Variants in SLC9B1 observed in about 807,000 individuals in gnomAD.
The protein encoded by SLC9B1 is sodium/hydrogen exchanger 9B1.
Under a neutral mutation model 51.7 loss-of-function variants are expected in SLC9B1, and 32 were observed. The observed-to-expected ratio is 0.62, with a 90% CI of 0.47 to 0.83. The LOEUF (loss-of-function observed/expected upper bound fraction) is 0.83. Among genes scored for constraint, SLC9B1 ranks in the 40% least tolerant of loss-of-function variants. The pLI, the probability that SLC9B1 is intolerant of heterozygous loss-of-function variation, is 0.00. For missense variants in SLC9B1, 406 were observed against 613.2 expected (o/e 0.66, Z 3.57); for synonymous variants, 145 against 212.7 (o/e 0.68, Z 2.77).
chr4:102,896,388 T>C (rs1407460558), downstream of SLC9B1, among the ~76,000 whole-genome samples: 2 of 152,176 alleles, frequency 1.3e-5, no homozygotes, highest in Non-Finnish European at 1.5e-5. Flanking sequence ...TTTCTAAACT[T>C]TTCTAATTTT....
At chr4:102,888,865 G>T (rs1284983752) in intron 11 of SLC9B1, 1 of 152,180 alleles carries the variant, frequency 6.6e-6, no homozygotes, top group Non-Finnish European at 1.5e-5. Context: ...TAGGCACTCT[G>T]GAAACTGCTT....
rs1269838934 is a variant in SLC9B1, at chr4:102,932,236, A to G, written c.717T>C (p.Asn239=). 6.2e-7 allele frequency: 1 copy of G among 1,611,800 alleles called. No individual in the cohort carries two copies. Among genetic ancestry groups the G allele is most frequent in the Non-Finnish European group, 8.5e-7 (1 of 1,179,814 alleles). The change falls in exon 7 of 12, where the codon AAT becomes AAC. Residue 239 remains asparagine, a synonymous_variant. Transcript: ENST00000296422. Reference sequence around the variant, plus strand: ...GAATGCCTTCCTCAACACCATATCCATTTTCTTGCAGCACCATCATGTAAG... The same window carrying G: ...GAATGCCTTCCTCAACACCATATCCGTTTTCTTGCAGCACCATCATGTAAG... ...VVPYMMVLQE[N]GYGVEEGIPT...
downstream of SLC9B1, among the ~76,000 whole-genome samples, chr4:102,900,603 GT>G (rs1734739754): frequency 6.6e-6 from 1 of 152,082 alleles, no homozygotes; most frequent in African/African-American, 2.4e-5. Flanking sequence ...ATTTACTCAG[GT>G]AGTCACCAAA....
At chr4:102,994,675 G>T (rs1373568384) in intron 1 of SLC9B1, among the ~76,000 whole-genome samples, 2 of 152,166 alleles carry the variant, frequency 1.3e-5, no homozygotes, top group Admixed American at 6.5e-5. Flanking sequence ...AGGTTTAATG[G>T]ACTCACAGTT....
intron 2 of SLC9B1, among the ~76,000 whole-genome samples, chr4:102,990,561 G>A (rs1224753891): frequency 6.7e-6 from 1 of 148,980 alleles, no homozygotes; most frequent in Non-Finnish European, 1.5e-5. Context: ...TTCTTCCAAT[G>A]TAAAAAACAA....
exon 12 of SLC9B1, chr4:102,885,249 G>A: frequency 2.5e-6 from 4 of 1,614,092 alleles, no homozygotes; most frequent in East Asian, 4.5e-5. Flanking sequence ...CCTTTCCTTG[G>A]TGTACTCGCA....
chr4:102,913,211 G>GCT (rs903042663), intron 7 of SLC9B1, among the ~76,000 whole-genome samples: 11 of 150,696 alleles, frequency 7.3e-5, no homozygotes, highest in Admixed American at 2.0e-4. Context: ...GTTACCTGAA[G>GCT]CTCTCTCTCT....
intron 3 of SLC9B1, among the ~76,000 whole-genome samples, chr4:102,981,783 T>C (rs1739378359): frequency 6.6e-6 from 1 of 152,206 alleles, no homozygotes; most frequent in Non-Finnish European, 1.5e-5. Context: ...TTTGCAAATA[T>C]TTTCTTCCAA....
chr4:102,974,428 T>A (rs916930203), intron 3 of SLC9B1, among the ~76,000 whole-genome samples: 1 of 151,796 alleles, frequency 6.6e-6, no homozygotes, highest in African/African-American at 2.4e-5. Flanking sequence ...GTAAGATTGA[T>A]TAATTAAAAA....
intron 11 of SLC9B1, among the ~76,000 whole-genome samples, chr4:102,903,422 T>C (rs1296360863): frequency 2.0e-5 from 3 of 152,218 alleles, no homozygotes; most frequent in Non-Finnish European, 2.9e-5. Flanking sequence ...GATTATCTCA[T>C]TGAATCCTGA....
chr4:102,961,718 T>C (rs999983536), intron 3 of SLC9B1, among the ~76,000 whole-genome samples: 26 of 152,276 alleles, frequency 1.7e-4, no homozygotes, highest in African/African-American at 5.3e-4. Context: ...CTTTAAAATA[T>C]TCCTTTTTTA....
Position 102,991,674 on chromosome 4 carries a change from T to A in SLC9B1, c.38A>T (p.Asp13Val). ...TTESKNEHLE[D>V]ENFQTSTTPQ... ...AGTTGTAGATGTTTGGAAGTTTTCA[T>A]CCTCCAAATGTTCATTTTTTGATTC... The change falls in exon 2 of 12, where the codon GAT (aspartate) becomes GTT (valine). Residue 13 changes from aspartate to valine, a missense_variant. Asp to Val is a radical substitution (Grantham distance 152, BLOSUM62 -3). Around this residue, in one of 6 missense-constraint regions of SLC9B1, gnomAD observed 108 missense variants for 94.5 expected, o/e 1.14. Transcript: ENST00000296422. The A allele has an allele frequency of 4.4e-6, 7 of 1,590,682 alleles. No individual in the cohort carries two copies. The highest frequency in any genetic ancestry group is 6.0e-6 in the Non-Finnish European group (7 of 1,166,770).
chr4:102,959,723 C>T (rs1737997224), intron 3 of SLC9B1, among the ~76,000 whole-genome samples: 1 of 152,096 alleles, frequency 6.6e-6, no homozygotes, highest in Non-Finnish European at 1.5e-5. Flanking sequence ...TGGTCAGGGG[C>T]CCGCTTGGCT....
At chr4:102,914,654 A>G (rs774982217) in intron 7 of SLC9B1, among the ~76,000 whole-genome samples, 14 of 152,232 alleles carry the variant, frequency 9.2e-5, no homozygotes, top group Non-Finnish European at 1.8e-4. Context: ...ATAAAGAATC[A>G]GTGAAACAGA....
At chr4:102,964,573 G>A (rs549379855) in intron 3 of SLC9B1, among the ~76,000 whole-genome samples, 10 of 152,174 alleles carry the variant, frequency 6.6e-5, no homozygotes, top group African/African-American at 2.4e-4. Context: ...ATGTAATTGA[G>A]CAACATATGA....
At chr4:102,972,961 TGAATA>T (rs1738842694) in intron 3 of SLC9B1, among the ~76,000 whole-genome samples, 1 of 152,128 alleles carries the variant, frequency 6.6e-6, no homozygotes, top group Non-Finnish European at 1.5e-5. Context: ...AGGGTAATCG[TGAATA>T]GAATAGAACT....
At chr4:102,935,505 G>C (rs1736676624) in intron 6 of SLC9B1, among the ~76,000 whole-genome samples, 1 of 152,112 alleles carries the variant, frequency 6.6e-6, no homozygotes, top group African/African-American at 2.4e-5. Context: ...TAAGTAAAAT[G>C]AGACAAATAA....
chr4:102,931,402 T>C (rs926571444), intron 7 of SLC9B1, among the ~76,000 whole-genome samples: 15 of 152,008 alleles, frequency 9.9e-5, no homozygotes, highest in African/African-American at 3.4e-4. Flanking sequence ...AAATGATTCT[T>C]TTCTTCTGGA....
At chr4:102,951,602 C>G (rs1452146140) in intron 3 of SLC9B1, among the ~76,000 whole-genome samples, 1 of 151,058 alleles carries the variant, frequency 6.6e-6, no homozygotes, top group Non-Finnish European at 1.5e-5. Flanking sequence ...AAAAAAACCA[C>G]TAAGTACCCA....
Sources: allele counts gnomAD v4.1 joint callset (sites outside exome capture counted in the v4.1 genomes callset), GRCh38; gene constraint gnomAD v4.1.1; regional missense constraint gnomAD v4.1.1; transcripts MANE v1.5; gene names NCBI Gene and HGNC (gene_info 2026-07-23, HGNC 2026-07-21).